Variants in FBXO11 observed in about 807,000 individuals in gnomAD.
FBXO11 encodes F-box only protein 11.
Under a neutral mutation model 117.0 loss-of-function variants are expected in FBXO11, and 13 were observed. That is an observed-to-expected ratio of 0.11 (90% confidence interval 0.07 to 0.18). FBXO11 has a LOEUF of 0.18. Among genes scored for constraint, FBXO11 ranks in the 10% least tolerant of loss-of-function variants. The probability of loss-of-function intolerance (pLI) is 1.00; values close to 1 mark genes in which losing one functional copy is unlikely to be tolerated. For missense variants in FBXO11, 767 were observed against 1,164.4 expected (o/e 0.66, Z 4.97); for synonymous variants, 490 against 380.5 (o/e 1.29, Z -3.35).
intron 1 of FBXO11, among the ~76,000 whole-genome samples, chr2:47,872,018 G>C (rs1007421204): frequency 5.3e-5 from 8 of 152,152 alleles, no homozygotes; most frequent in African/African-American, 1.9e-4. Flanking sequence ...AATAACAGTA[G>C]CTTCTTTTAT....
At chr2:47,902,928 A>C (rs1272505039) in intron 1 of FBXO11, among the ~76,000 whole-genome samples, 10 of 151,920 alleles carry the variant, frequency 6.6e-5, no homozygotes, top group African/African-American at 1.2e-4. Flanking sequence ...TTAAAAAAAA[A>C]AAAACAAAAA....
intron 1 of FBXO11, among the ~76,000 whole-genome samples, chr2:47,864,196 C>G (rs1186119058): frequency 1.3e-5 from 2 of 152,130 alleles, no homozygotes; most frequent in East Asian, 3.9e-4. Flanking sequence ...TGTTCCTATT[C>G]ATTAAATATA....
At chr2:47,843,334 T>A (rs1187838286) in intron 1 of FBXO11, among the ~76,000 whole-genome samples, 1 of 152,222 alleles carries the variant, frequency 6.6e-6, no homozygotes, top group East Asian at 1.9e-4. Context: ...ATAGTCTCTA[T>A]GCTTACATTT....
chr2:47,834,263 T>C (rs1353115058), intron 7 of FBXO11, among the ~76,000 whole-genome samples: 1 of 152,134 alleles, frequency 6.6e-6, no homozygotes, highest in African/African-American at 2.4e-5. Flanking sequence ...GGCATGAGAA[T>C]TGCTTGAACC....
chr2:47,903,301 G>C lies in FBXO11; in HGVS notation c.232+2188C>G, dbSNP rs547275929. ...TTTCCCTAAAGTTCTTTTCCTCTCT[G>C]CTCTGTGCCAACACAGAATCTCCAA... On this transcript the variant is annotated intron_variant, in intron 1 of 22. Transcript: ENST00000403359. Among the ~76,000 whole-genome samples, 2 of 152,126 alleles carry C rather than the reference G, an allele frequency of 1.3e-5. 1 individual carries two copies. Among genetic ancestry groups the C allele is most frequent in the African/African-American group, 4.8e-5 (2 of 41,472 alleles).
rs903207462 is a variant in FBXO11 at position 47,857,888 on chromosome 2, C to A, written c.233-18119G>T. Among the ~76,000 whole-genome samples the A allele has an allele frequency of 2.0e-5, 3 of 152,092 alleles. No homozygotes were observed. In the East Asian group the frequency reaches 5.8e-4, roughly 29 times the overall value. On this transcript the variant is annotated intron_variant, in intron 1 of 22. Transcript: ENST00000403359. ...GGAAATACAAGAATCATAAGGCAGA[C>A]GCAGCAGACTTTTAAAAATCGCCAT... is the stretch of plus-strand genomic sequence containing the variant.
At chr2:47,876,970 A>G (rs1440155307) in intron 1 of FBXO11, among the ~76,000 whole-genome samples, 2 of 148,992 alleles carry the variant, frequency 1.3e-5, no homozygotes, top group Non-Finnish European at 3.0e-5. Flanking sequence ...CCTTAATACT[A>G]TTTTCCAAAT....
At chr2:47,890,241 G>A (rs1409544947) in intron 1 of FBXO11, among the ~76,000 whole-genome samples, 1 of 152,142 alleles carries the variant, frequency 6.6e-6, no homozygotes, top group Non-Finnish European at 1.5e-5. Context: ...TGCTAGGACT[G>A]CAGGCATGAG....
At chr2:47,898,022 T>C (rs1295392645) in intron 1 of FBXO11, among the ~76,000 whole-genome samples, 1 of 152,134 alleles carries the variant, frequency 6.6e-6, no homozygotes, top group Admixed American at 6.5e-5. Context: ...AAGAAAACAA[T>C]TTTCTCCCCT....
At chr2:47,848,189 C>T (rs930564838) in intron 1 of FBXO11, among the ~76,000 whole-genome samples, 1 of 151,884 alleles carries the variant, frequency 6.6e-6, no homozygotes, top group Non-Finnish European at 1.5e-5. Flanking sequence ...TTTCACTAAA[C>T]CTTTATCAGT....
intron 1 of FBXO11, among the ~76,000 whole-genome samples, chr2:47,904,387 C>A (rs1469803740): frequency 6.6e-6 from 1 of 152,156 alleles, no homozygotes; most frequent in Admixed American, 6.5e-5. Context: ...GGTGCAACAC[C>A]CCCCCTCATA....
chr2:47,811,301 C>G (rs1670593858), intron 18 of FBXO11: 1 of 152,298 alleles, frequency 6.6e-6, no homozygotes, highest in African/African-American at 2.4e-5. Context: ...TCTTGGCTCA[C>G]TGCAACCCCT....
chr2:47,808,475 C>T (rs1272271144), intron 21 of FBXO11, 48 bp from the exon 22 acceptor site: 15 of 1,465,690 alleles, frequency 1.0e-5, no homozygotes, highest in East Asian at 4.6e-5. Context: ...GTCATTAATG[C>T]AAAACATTCC....
At chr2:47,882,252 A>G (rs1676484677) in intron 1 of FBXO11, among the ~76,000 whole-genome samples, 1 of 152,202 alleles carries the variant, frequency 6.6e-6, no homozygotes, top group Non-Finnish European at 1.5e-5. Context: ...TATCTTATAA[A>G]TGTTGTTCGA....
chr2:47,900,778 ATACACACACGTGTATATATATACACG>A (rs1237940879), intron 1 of FBXO11, among the ~76,000 whole-genome samples: 9 of 112,982 alleles, frequency 8.0e-5, no homozygotes, highest in South Asian at 5.9e-4. Flanking sequence ...ATATACACGT[ATACACACACGTGTATATATATACACG>A]TATACACACA....
intron 1 of FBXO11, among the ~76,000 whole-genome samples, chr2:47,863,969 G>A (rs550497542): frequency 6.6e-6 from 1 of 151,360 alleles, no homozygotes; most frequent in African/African-American, 2.4e-5. Context: ...ACCCCATAAA[G>A]ACAAATCAAT....
intron 11 of FBXO11, among the ~76,000 whole-genome samples, chr2:47,830,749 C>A (rs1177791141): frequency 1.3e-5 from 2 of 152,074 alleles, no homozygotes; most frequent in Non-Finnish European, 2.9e-5. Context: ...GAGTAACTTA[C>A]TATGGTGAAC....
intron 1 of FBXO11, among the ~76,000 whole-genome samples, chr2:47,851,976 T>G (rs1673897757): frequency 6.6e-6 from 1 of 151,844 alleles, no homozygotes; most frequent in Non-Finnish European, 1.5e-5. Flanking sequence ...GTAGTCTCTG[T>G]ATCAAGCAAC....
intron 1 of FBXO11, among the ~76,000 whole-genome samples, chr2:47,860,764 A>G (rs1674704935): frequency 6.6e-6 from 1 of 151,816 alleles, no homozygotes; most frequent in Non-Finnish European, 1.5e-5. Flanking sequence ...GAGAGAGAGA[A>G]AGAAAGTCAA....
Sources: gnomAD v4.1 joint callset for allele counts (sites outside exome capture counted in the v4.1 genomes callset) on GRCh38, gnomAD v4.1.1 for gene constraint, MANE v1.5 for transcripts, NCBI Gene and HGNC (gene_info 2026-07-23, HGNC 2026-07-21) for gene names.